Variants in DNM3 observed in about 807,000 individuals in gnomAD.
DNM3 encodes dynamin-3.
A neutral mutation model predicts 101.6 loss-of-function variants in DNM3; 47 were observed. That is an observed-to-expected ratio of 0.46 (90% CI 0.37 to 0.59). The LOEUF is 0.59. Ranked by LOEUF, DNM3 falls within the 20% of genes least tolerant of loss-of-function variation. The pLI, the probability that DNM3 is intolerant of heterozygous loss-of-function variation, is 0.00. For synonymous variants in DNM3, 385 were observed against 387.9 expected, an observed-to-expected ratio of 0.99 and a Z score of 0.09; for missense variants, 849 against 1,085.7, an observed-to-expected ratio of 0.78 and a Z score of 3.06.
At chr1:172,026,353 G>A (rs1017459072) in intron 4 of DNM3, among the ~76,000 whole-genome samples, 2 of 152,158 alleles carry the variant, frequency 1.3e-5, no homozygotes, top group Admixed American at 1.3e-4. Flanking sequence ...AAAGTGATGG[G>A]AAGAATGGAA....
chr1:171,907,432 G>A (rs765592779), intron 1 of DNM3, among the ~76,000 whole-genome samples: 2 of 151,928 alleles, frequency 1.3e-5, no homozygotes, highest in South Asian at 2.1e-4. Context: ...CGGAGGTTGC[G>A]GTGAGCCAAG....
intron 18 of DNM3, among the ~76,000 whole-genome samples, chr1:172,382,663 A>AC (rs1291019350): frequency 2.0e-5 from 3 of 152,158 alleles, no homozygotes; most frequent in South Asian, 2.1e-4. Context: ...GAGGACTCCT[A>AC]CCCCCACAGG....
At chr1:171,965,951 AT>A (rs137944420) in intron 2 of DNM3, among the ~76,000 whole-genome samples, 4,827 of 152,234 alleles carry the variant, frequency 0.032, 262 homozygotes, top group African/African-American at 0.11. Flanking sequence ...GTTGAAAGGG[AT>A]TTGTTATGAA....
At chr1:172,125,541 G>A (rs114903955) in intron 13 of DNM3, among the ~76,000 whole-genome samples, 8 of 152,176 alleles carry the variant, frequency 5.3e-5, no homozygotes, top group African/African-American at 1.9e-4. Context: ...GAAGAGGCTG[G>A]GCTGTTCCAC....
At position 171,927,447 on chromosome 1, in the gene DNM3, G is replaced by T. The variant is rs1028157903; in HGVS notation, c.235+5626G>T. Among the ~76,000 whole-genome samples the T allele has an allele frequency of 3.3e-5, 5 of 151,994 alleles. No individual in the cohort carries two copies. The East Asian group carries it at 9.6e-4, about 29-fold the overall frequency. ...CAGTGTCTACTTTTTCCTTCTTTGT[G>T]TTCAAAAATTATCATCATTTAGCTC... On this transcript the variant is annotated intron_variant, in intron 2 of 20. Transcript: ENST00000627582.
At chr1:172,024,772 A>T (rs1178617891) in intron 4 of DNM3, among the ~76,000 whole-genome samples, 1 of 152,234 alleles carries the variant, frequency 6.6e-6, no homozygotes, top group African/African-American at 2.4e-5. Context: ...ATTCCAGCTC[A>T]GATACTATGC....
chr1:172,217,823 A>G (rs2060760827), intron 14 of DNM3, among the ~76,000 whole-genome samples: 2 of 152,138 alleles, frequency 1.3e-5, no homozygotes, highest in South Asian at 4.1e-4. Context: ...GGAAATCACA[A>G]TGAGTGCATT....
chr1:171,963,034 C>A (rs2043321724), intron 2 of DNM3, among the ~76,000 whole-genome samples: 1 of 152,102 alleles, frequency 6.6e-6, no homozygotes, highest in Admixed American at 6.6e-5. Context: ...CCTTACCTTG[C>A]CATTTACTCA....
At chr1:171,869,083 T>C (rs2035035656) in intron 1 of DNM3, among the ~76,000 whole-genome samples, 1 of 152,220 alleles carries the variant, frequency 6.6e-6, no homozygotes, top group South Asian at 2.1e-4. Flanking sequence ...GTGCCTGGCT[T>C]GTACAATTTC....
intron 13 of DNM3, among the ~76,000 whole-genome samples, chr1:172,103,867 G>A (rs185510138): frequency 6.6e-6 from 1 of 152,274 alleles, no homozygotes; most frequent in Non-Finnish European, 1.5e-5. Context: ...TGGGCGTGGT[G>A]GTGCATGCCT....
intron 4 of DNM3, among the ~76,000 whole-genome samples, chr1:171,996,116 G>A (rs962517068): frequency 3.9e-5 from 6 of 152,066 alleles, no homozygotes; most frequent in Non-Finnish European, 8.8e-5. Flanking sequence ...AGTTTCACAT[G>A]AAATTATTCT....
At chr1:172,400,921 C>T (rs754185778) in intron 20 of DNM3, among the ~76,000 whole-genome samples, 22 of 152,160 alleles carry the variant, frequency 1.4e-4, no homozygotes, top group Non-Finnish European at 2.4e-4. Context: ...AACCTCCTAG[C>T]CTCCTTCCAA....
chr1:172,084,369 A>C (rs1238035203), intron 12 of DNM3, among the ~76,000 whole-genome samples: 1 of 152,108 alleles, frequency 6.6e-6, no homozygotes, highest in East Asian at 1.9e-4. Flanking sequence ...TACTAGATGT[A>C]CCATTTTACT....
intron 4 of DNM3, among the ~76,000 whole-genome samples, chr1:171,990,742 A>T (rs74795184): frequency 0.018 from 2,757 of 152,012 alleles, 26 homozygotes; most frequent in Non-Finnish European, 0.025. Flanking sequence ...TGGTTCTCCA[A>T]TTCTTAGGCC....
chr1:172,409,334 G>T lies in DNM3; in HGVS notation c.*1493G>T. ...TATGTTAACTTAACTTTAATTTCCTGTGTAGTTTACACCCAGAGCAGATAC... is the reference window on the plus strand; with the variant it reads ...TATGTTAACTTAACTTTAATTTCCTTTGTAGTTTACACCCAGAGCAGATAC... On this transcript the variant is annotated 3_prime_UTR_variant, in exon 21 of 21. Coordinates refer to ENST00000627582, the MANE Select transcript of DNM3 (RefSeq NM_015569.5). The T allele has an allele frequency of 1.0e-6, 1 of 985,248 alleles. No homozygotes were observed. Among genetic ancestry groups the T allele is most frequent in the South Asian group, 4.7e-5 (1 of 21,286 alleles). The allele number at this position is 985,248 out of a possible 1,614,324, so 61.0% of individuals were successfully genotyped here.
In DNM3 at chr1:172,221,773, A is replaced by G. The variant is rs190887411; in HGVS notation, c.1660-31800A>G. On this transcript the variant is annotated intron_variant, in intron 14 of 20. Coordinates refer to ENST00000627582, the MANE Select transcript of DNM3 (RefSeq NM_015569.5). ...CTTGCTATCTCTCTTTCTCTCTCCAATTCTGGGACTCCCCATTCCTCTTTC... is the reference window on the plus strand; with the variant it reads ...CTTGCTATCTCTCTTTCTCTCTCCAGTTCTGGGACTCCCCATTCCTCTTTC... 7.8e-3 allele frequency among the ~76,000 whole-genome samples: 1,192 copies of G among 152,172 alleles called. 10 individuals carry two copies. Among genetic ancestry groups the G allele is most frequent in the African/African-American group, 0.027 (1,130 of 41,510 alleles).
intron 16 of DNM3, among the ~76,000 whole-genome samples, chr1:172,320,237 T>A (rs1389978755): frequency 4.1e-5 from 3 of 73,778 alleles, no homozygotes; most frequent in African/African-American, 5.3e-5. Flanking sequence ...TGTTGTGGGG[T>A]GGGGGGATGG....
chr1:172,126,333 A>T (rs2056615680), intron 13 of DNM3, among the ~76,000 whole-genome samples: 1 of 152,220 alleles, frequency 6.6e-6, no homozygotes. Context: ...GTTTCTTCAC[A>T]ACATGGCAGC....
chr1:172,342,495 A>G (rs951415136), intron 17 of DNM3, among the ~76,000 whole-genome samples: 1 of 152,222 alleles, frequency 6.6e-6, no homozygotes, highest in Non-Finnish European at 1.5e-5. Flanking sequence ...TCGTTAGCAA[A>G]TGAACACAGG....
Sources: allele counts gnomAD v4.1 joint callset (sites outside exome capture counted in the v4.1 genomes callset), GRCh38; gene constraint gnomAD v4.1.1; transcripts MANE v1.5; gene names NCBI Gene and HGNC (gene_info 2026-07-23, HGNC 2026-07-21).